The following VPS11 variants were observed in gnomAD, a reference collection of about 807,000 sequenced individuals.
VPS11 encodes VPS11 core subunit of CORVET and HOPS complexes, also known as vacuolar protein sorting-associated protein 11 homolog.
Under a neutral mutation model 106.8 loss-of-function variants are expected in VPS11, and 51 were observed. The ratio of observed to expected loss-of-function variants is 0.48; its 90% CI spans 0.38 to 0.60. The LOEUF is 0.60. Ranked by LOEUF, VPS11 falls within the 20% of genes least tolerant of loss-of-function variation. The pLI is 0.00. For missense variants in VPS11, 950 were observed against 1,190.0 expected (o/e 0.80, Z 2.97); for synonymous variants, 453 against 458.7 (o/e 0.99, Z 0.16).
chr11:119,071,970 A>ATT, intron 5 of VPS11, 127 bp downstream of exon 5: 1 of 1,309,240 alleles, frequency 7.6e-7, no homozygotes, highest in Non-Finnish European at 1.0e-6. Flanking sequence ...TGTAGGTAAC[A>ATT]TTTCTGTTTT....
intron 12 of VPS11, 40 bp downstream of exon 12, chr11:119,078,744 A>C: frequency 6.2e-7 from 1 of 1,609,112 alleles, no homozygotes; most frequent in Non-Finnish European, 8.5e-7. Flanking sequence ...GGAAGAATCC[A>C]AGTCATTTTC....
chr11:119,075,673 G>A lies in VPS11; in HGVS notation c.1239-1224G>A, dbSNP rs187306757. Among the ~76,000 whole-genome samples, 885 of 151,626 alleles carry A rather than the reference G, an allele frequency of 5.8e-3. 9 individuals carry two copies. Among genetic ancestry groups the A allele is most frequent in the African/African-American group, 0.019 (800 of 41,360 alleles). On this transcript the variant is annotated intron_variant, in intron 7 of 15. Transcript: ENST00000621676. ...TCAAGACCAGCCTGGCCAACATGGCGAAACCCCATCTCTACTAAAAATACA... is the reference window on the plus strand; with the variant it reads ...TCAAGACCAGCCTGGCCAACATGGCAAAACCCCATCTCTACTAAAAATACA...
At chr11:119,068,614 T>C (rs1945221517) in intron 1 of VPS11, among the ~76,000 whole-genome samples, 1 of 151,858 alleles carries the variant, frequency 6.6e-6, no homozygotes, top group Non-Finnish European at 1.5e-5. Flanking sequence ...ACCCGGCTAA[T>C]TTTTTACATT....
Position 119,078,853 on chromosome 11 carries a change from G to A in VPS11, c.2122G>A (p.Val708Met), listed in dbSNP as rs368691793. 1.8e-5 allele frequency: 29 copies of A among 1,613,818 alleles called. No homozygotes were observed. Among genetic ancestry groups the A allele is most frequent in the African/African-American group, 6.7e-5 (5 of 74,932 alleles). ...QHEQYRQVIS[V>M]CERHGEQDPS... Reference sequence around the variant, plus strand: ...CGAGCAGTACCGGCAGGTCATCAGCGTGTGTGAGCGCCATGGGGAGCAGGA... The same window carrying A: ...CGAGCAGTACCGGCAGGTCATCAGCATGTGTGAGCGCCATGGGGAGCAGGA... The change falls in exon 13 of 16, where the codon GTG becomes ATG. Residue 708 changes from valine to methionine, a missense_variant. Val to Met is a conservative substitution (Grantham distance 21). This residue lies in a region of VPS11 where 453 missense variants were observed against 514.6 expected (regional missense o/e 0.88). Transcript: ENST00000621676.
chr11:119,069,074 A>T, intron 1 of VPS11, 122 bp from the exon 2 acceptor site: 1 of 1,200,542 alleles, frequency 8.3e-7, no homozygotes, highest in Non-Finnish European at 1.1e-6. Flanking sequence ...TCTTTTTAAG[A>T]TAAGGAGTAT....
In VPS11 at chr11:119,079,151, C is replaced by T. The variant is rs1565744584; in HGVS notation, c.2289C>T (p.Asn763=). ...PLLVVQTLAH[N]STATLSVIRD... ...CAGTGGTGCAGACCCTGGCCCACAA[C>T]TCCACAGCCACACTCTCCGTCATCA... is the stretch of plus-strand genomic sequence containing the variant. Residue 763 remains asparagine (N), a synonymous_variant, in exon 14 of 16, where the codon AAC becomes AAT. Coordinates refer to ENST00000621676, the MANE Select transcript of VPS11 (RefSeq NM_021729.6). 6.2e-7 allele frequency: 1 copy of T among 1,613,934 alleles called. No homozygotes were observed. Among genetic ancestry groups the T allele is most frequent in the Middle Eastern group, 1.6e-4 (1 of 6,062 alleles).
intron 1 of VPS11, chr11:119,068,351 G>T: frequency 2.5e-6 from 1 of 394,524 alleles, no homozygotes; most frequent in East Asian, 3.6e-5. Context: ...GATTTCCCCT[G>T]CCCTAATATT....
Position 119,077,967 on chromosome 11 carries a change from C to T in VPS11, c.1662C>T (p.His554=), listed in dbSNP as rs2134790397. Residue 554 remains histidine (H), a synonymous_variant, in exon 10 of 16, where the codon CAC becomes CAT. Transcript: ENST00000621676. ...AGCGCTACGGCAAGATCCTCATGCA[C>T]CACATACCAGAGCAGACAACTCAGT... ...NMKRYGKILM[H]HIPEQTTQLL... The T allele has an allele frequency of 6.2e-7, 1 of 1,613,968 alleles. No homozygotes were observed. The highest frequency in any genetic ancestry group is 2.2e-5 in the East Asian group (1 of 44,878).
chr11:119,071,898 C>T lies in VPS11; in HGVS notation c.884+55C>T, dbSNP rs74777905. Reference sequence around the variant, plus strand: ...AGGGCTGGACTTGTTCCCCAGAATCCGCCTGATTTTAAAATCCTAATGCCT... The same window carrying T: ...AGGGCTGGACTTGTTCCCCAGAATCTGCCTGATTTTAAAATCCTAATGCCT... On this transcript the variant is annotated intron_variant, in intron 5 of 15. Coordinates refer to ENST00000621676, the MANE Select transcript of VPS11 (RefSeq NM_021729.6). 2.6e-3 allele frequency: 4,063 copies of T among 1,574,654 alleles called. 92 individuals are homozygous for T. In the African/African-American group the frequency reaches 0.047, roughly 18 times the overall value.
rs189019969 is a variant in VPS11 at position 119,073,156 on chromosome 11, C to G, written c.885-42C>G. 7 of 1,570,658 alleles carry G rather than the reference C, an allele frequency of 4.5e-6. No individual in the cohort carries two copies. The Admixed American group carries it at 1.3e-4, about 29-fold the overall frequency. On this transcript the variant is annotated intron_variant, in intron 5 of 15. Coordinates refer to ENST00000621676, the MANE Select transcript of VPS11 (RefSeq NM_021729.6). ...GGGAAAGGAAATAGGGGAGATAAGA[C>G]AGAGATGTCCAAACATCTGGTGCTT...
chr11:119,078,898 G>A lies in VPS11; in HGVS notation c.2167G>A (p.Ala723Thr). The change falls in exon 13 of 16, where the codon GCC becomes ACC. Residue 723 changes from alanine to threonine, a missense_variant. Transcript: ENST00000621676. ...GCAGGACCCCTCCTTGTGGGAGCAG[G>A]CCCTCAGCTACTTCGCTCGCAAGGA... Reference protein sequence around the residue: ...GEQDPSLWEQALSYFARKEED... With the variant: ...GEQDPSLWEQTLSYFARKEED... The A allele has an allele frequency of 1.9e-6, 3 of 1,614,002 alleles. No individual in the cohort carries two copies. The highest frequency in any genetic ancestry group is 2.5e-6 in the Non-Finnish European group (3 of 1,179,900).
At chr11:119,069,962 C>T (rs1945306377) in intron 3 of VPS11, among the ~76,000 whole-genome samples, 1 of 145,868 alleles carries the variant, frequency 6.9e-6, no homozygotes, top group Non-Finnish European at 1.5e-5. Flanking sequence ...CGCGCCATTG[C>T]ACTGTAGCCT....
In VPS11 at chr11:119,067,979, C is replaced by A; in HGVS notation, c.156C>A (p.Cys52Ter). 1 of 1,612,092 alleles carries A rather than the reference C, an allele frequency of 6.2e-7. No homozygotes were observed. The highest frequency in any genetic ancestry group is 8.5e-7 in the Non-Finnish European group (1 of 1,178,956). Reference protein sequence around the residue: ...FLCLPPGITVCDSGRGSLVFG... With the variant: ...FLCLPPGITV ...GCCTCCCTCCTGGCATCACTGTCTGCGACTCAGGCCGAGGGAGCCTGGTCT... is the reference window on the plus strand; with the variant it reads ...GCCTCCCTCCTGGCATCACTGTCTGAGACTCAGGCCGAGGGAGCCTGGTCT... Residue 52 changes from cysteine (C) to a stop codon, truncating the protein, a stop_gained, in exon 1 of 16, where the codon TGC becomes TGA. Transcript: ENST00000621676. LOFTEE classifies it high-confidence loss of function.
chr11:119,073,399 G>C lies in VPS11; in HGVS notation c.1086G>C (p.Glu362Asp). 6.2e-7 allele frequency: 1 copy of C among 1,612,400 alleles called. No homozygotes were observed. The highest frequency in any genetic ancestry group is 8.5e-7 in the Non-Finnish European group (1 of 1,179,732). The change falls in exon 6 of 16, where the codon GAG becomes GAC. Residue 362 changes from glutamate to aspartate, a missense_variant and splice_region_variant. By Grantham distance (45) the Glu-to-Asp change is conservative. Around this residue, in one of 3 missense-constraint regions of VPS11, gnomAD observed 435 missense variants for 630.2 expected, o/e 0.69. Coordinates refer to ENST00000621676, the MANE Select transcript of VPS11 (RefSeq NM_021729.6). ...AGAAGGACACACAGACCAAACTGGA[G>C]GCAAGGCCACCAGGCTCGCAGAGCT... The part of the protein sequence containing the change: ...LQEKDTQTKL[E>D]MLFKKNLFEM...
rs782568929 is a variant in VPS11, at chr11:119,078,320, G to A, written c.1909G>A (p.Glu637Lys). 14 of 1,611,064 alleles carry A rather than the reference G, an allele frequency of 8.7e-6. No homozygotes were observed. Among genetic ancestry groups the A allele is most frequent in the East Asian group, 6.7e-5 (3 of 44,878 alleles). ...LELRLQNWAH[E>K]KDPQVKEKLH... ...GCTGCGACTGCAGAACTGGGCCCAC[G>A]AGAAGGATCCACAGGTGAGGCCTGG... The change falls in exon 11 of 16, where the codon GAG (glutamate) becomes AAG (lysine). Residue 637 changes from glutamate (E) to lysine (K), a missense_variant. By Grantham distance (56) the Glu-to-Lys change is moderately conservative (BLOSUM62 1). Coordinates refer to ENST00000621676, the MANE Select transcript of VPS11 (RefSeq NM_021729.6).
chr11:119,069,614 T>C (rs1470149923), intron 3 of VPS11, 37 bp downstream of exon 3: 1 of 1,613,546 alleles, frequency 6.2e-7, no homozygotes, highest in East Asian at 2.2e-5. Flanking sequence ...CTAGATTTGT[T>C]ATAGATTTTC....
At position 119,081,424 on chromosome 11, in the gene VPS11, C is replaced by G; in HGVS notation, c.2662-35C>G. The G allele has an allele frequency of 2.5e-6, 4 of 1,613,382 alleles. No homozygotes were observed. In the South Asian group the frequency reaches 4.4e-5, roughly 18 times the overall value. On this transcript the variant is annotated intron_variant, in intron 15 of 15. Coordinates refer to ENST00000621676, the MANE Select transcript of VPS11 (RefSeq NM_021729.6). Reference sequence around the variant, plus strand: ...CATTTAAGAAACAAGCACTTTGATTCTGATTCGTATTCCTTCCCTCCTCTT... The same window carrying G: ...CATTTAAGAAACAAGCACTTTGATTGTGATTCGTATTCCTTCCCTCCTCTT...
chr11:119,078,309 A>C lies in VPS11; in HGVS notation c.1898A>C (p.Asn633Thr). 6.2e-7 allele frequency: 1 copy of C among 1,612,046 alleles called. No homozygotes were observed. Among genetic ancestry groups the C allele is most frequent in the Non-Finnish European group, 8.5e-7 (1 of 1,179,856 alleles). ...YDTLLELRLQ[N>T]WAHEKDPQVK... is the part of the protein sequence containing the mutation. ...ACACTCCTTGAGCTGCGACTGCAGA[A>C]CTGGGCCCACGAGAAGGATCCACAG... The change falls in exon 11 of 16, where the codon AAC (asparagine) becomes ACC (threonine). Residue 633 changes from asparagine (N) to threonine (T), a missense_variant. Physicochemically the swap from Asn to Thr is moderately conservative, Grantham distance 65 (BLOSUM62 0). Transcript: ENST00000621676.
In VPS11 at chr11:119,069,224, A is replaced by G. The variant is rs782298938; in HGVS notation, c.216A>G (p.Pro72=). Residue 72 remains proline, a synonymous_variant, in exon 2 of 16, where the codon CCA becomes CCG. Coordinates refer to ENST00000621676, the MANE Select transcript of VPS11 (RefSeq NM_021729.6). The part of the protein sequence containing the change: ...GDMEGQIWFL[P]RSLQLTGFQA... Reference sequence around the variant, plus strand: ...TGGAAGGCCAGATCTGGTTCTTGCCACGTTCCCTACAGCTTACAGGCTTCC... The same window carrying G: ...TGGAAGGCCAGATCTGGTTCTTGCCGCGTTCCCTACAGCTTACAGGCTTCC... 1 of 1,613,936 alleles carries G rather than the reference A, an allele frequency of 6.2e-7. No homozygotes were observed. The highest frequency in any genetic ancestry group is 8.5e-7 in the Non-Finnish European group (1 of 1,179,890).
Sources: allele counts gnomAD v4.1 joint callset (sites outside exome capture counted in the v4.1 genomes callset), GRCh38; gene constraint gnomAD v4.1.1; regional missense constraint gnomAD v4.1.1; transcripts MANE v1.5; gene names NCBI Gene and HGNC (gene_info 2026-07-23, HGNC 2026-07-21).